The following MAGOHB variants were observed in gnomAD, a reference collection of about 807,000 sequenced individuals.
The protein encoded by MAGOHB is mago homolog B, exon junction complex subunit.
MAGOHB carries 15 observed loss-of-function variants against 20.9 expected under a neutral mutation model. That is an observed-to-expected ratio of 0.72 (90% CI 0.48 to 1.11). MAGOHB has a LOEUF of 1.11. MAGOHB is among the 50% of genes least tolerant of loss of function. The pLI, the probability that MAGOHB is intolerant of heterozygous loss-of-function variation, is 0.00. For synonymous variants in MAGOHB, 50 were observed against 57.9 expected, an observed-to-expected ratio of 0.86 and a Z score of 0.62; for missense variants, 162 against 177.6, an observed-to-expected ratio of 0.91 and a Z score of 0.50.
At chr12:10,612,865 C>A (rs1186507356) in intron 1 of MAGOHB, 74 of 1,288,974 alleles carry the variant, frequency 5.7e-5, no homozygotes, top group Non-Finnish European at 7.4e-5. Flanking sequence ...CTCTCAAAGG[C>A]CAAGTCTCTC....
chr12:10,603,888 T>C (rs1865580388), downstream of MAGOHB, among the ~76,000 whole-genome samples: 1 of 152,260 alleles, frequency 6.6e-6, no homozygotes, highest in Non-Finnish European at 1.5e-5. Flanking sequence ...GCACAGTCCA[T>C]GCTCATAGGT....
chr12:10,606,931 A>G (rs554668658), intron 4 of MAGOHB, among the ~76,000 whole-genome samples: 71 of 152,222 alleles, frequency 4.7e-4, no homozygotes, highest in Admixed American at 6.5e-4. Flanking sequence ...AGATGCTCAG[A>G]AATGAAATTA....
intron 1 of MAGOHB, 26 bp from the exon 2 acceptor site, chr12:10,610,706 T>G: frequency 6.4e-7 from 1 of 1,563,452 alleles, no homozygotes; most frequent in Non-Finnish European, 8.6e-7. Flanking sequence ...AAAAATCAAT[T>G]TATAATAGCA....
Position 10,613,402 on chromosome 12 carries a change from CCT to C in MAGOHB, c.94+35_94+36del, listed in dbSNP as rs370398032. On this transcript the variant is annotated intron_variant, in intron 1 of 4. Coordinates refer to ENST00000320756, the MANE Select transcript of MAGOHB (RefSeq NM_018048.5). ...CCACCCGGCCTCTCGGTCTCGCTCC[CCT>C]TTCCCAGCACCGCGTGCCGTGGGCC... 239 of 1,587,196 alleles carry C rather than the reference CCT, an allele frequency of 1.5e-4. 1 individual carries two copies. In the African/African-American group the frequency reaches 2.7e-3, roughly 18 times the overall value.
rs73257985 is a variant in MAGOHB, at chr12:10,608,043, C to A, written c.265-107G>T. Reference sequence around the variant, plus strand: ...ATTTTAGTTGCAAGTTTTCTAGCAGCCAACAGAGGGAGTGGGGGGCGAGGG... The same window carrying A: ...ATTTTAGTTGCAAGTTTTCTAGCAGACAACAGAGGGAGTGGGGGGCGAGGG... On this transcript the variant is annotated intron_variant, in intron 3 of 4. Transcript: ENST00000320756. 5.5e-3 allele frequency: 3,424 copies of A among 627,846 alleles called. 86 individuals are homozygous for A. Among genetic ancestry groups the A allele is most frequent in the African/African-American group, 0.053 (2,806 of 52,568 alleles). 38.9% of individuals were successfully genotyped at this position (627,846 alleles called of 1,614,324 possible). A position where few individuals can be genotyped will look rare whatever the true frequency, so the allele number is the denominator to read the frequency against.
chr12:10,612,272 G>T (rs1865761901), intron 1 of MAGOHB, among the ~76,000 whole-genome samples: 1 of 151,744 alleles, frequency 6.6e-6, no homozygotes, highest in Non-Finnish European at 1.5e-5. Context: ...GGTGGCGTGG[G>T]CCTGTATTCC....
intron 1 of MAGOHB, chr12:10,612,995 C>T: frequency 8.2e-7 from 1 of 1,219,124 alleles, no homozygotes; most frequent in Non-Finnish European, 1.1e-6. Context: ...TGAACAATTA[C>T]ACGTAAACAC....
chr12:10,609,536 G>T, intron 3 of MAGOHB: 1 of 415,406 alleles, frequency 2.4e-6, no homozygotes, highest in Non-Finnish European at 4.5e-6. Context: ...TAATAAAAGT[G>T]ATTAACACAC....
chr12:10,613,597 C>A lies in MAGOHB; in HGVS notation c.-65G>T. 9.4e-7 allele frequency: 1 copy of A among 1,062,172 alleles called. No homozygotes were observed. The highest frequency in any genetic ancestry group is 1.3e-5 in the South Asian group (1 of 79,872). 65.8% of individuals were successfully genotyped at this position (1,062,172 alleles called of 1,614,324 possible). The stretch of plus-strand genomic sequence containing the variant: ...GTCCCCCGGCGCCTTGCAGTGACGT[C>A]ATCGCGCGGAATAAGTGCGTCACCA... On this transcript the variant is annotated 5_prime_UTR_variant, in exon 1 of 5. It removes an upstream start codon present in the reference 5' UTR. Coordinates refer to ENST00000320756, the MANE Select transcript of MAGOHB (RefSeq NM_018048.5).
At chr12:10,611,747 CAAAAAAAAAAAAAA>C (rs1042294332) in intron 1 of MAGOHB, among the ~76,000 whole-genome samples, 2 of 27,686 alleles carry the variant, frequency 7.2e-5, no homozygotes, top group Non-Finnish European at 1.5e-4. Context: ...GACTCTGTCT[CAAAAAAAAAAAAAA>C]AAAAAAAAAA....
chr12:10,608,870 A>G (rs767923407), intron 3 of MAGOHB: 5 of 152,254 alleles, frequency 3.3e-5, no homozygotes, highest in African/African-American at 1.2e-4. Flanking sequence ...TTGATACAAA[A>G]GGCAATTTCT....
chr12:10,603,334 A>C (rs1377202832), downstream of MAGOHB, among the ~76,000 whole-genome samples: 1 of 151,222 alleles, frequency 6.6e-6, no homozygotes, highest in African/African-American at 2.4e-5. Context: ...AAAAAAAAAA[A>C]AATCTCTAGC....
downstream of MAGOHB, among the ~76,000 whole-genome samples, chr12:10,603,298 A>AG (rs1441106953): frequency 7.8e-6 from 1 of 127,706 alleles, no homozygotes; most frequent in Admixed American, 9.4e-5. Flanking sequence ...TGGGTGACAG[A>AG]GGGAGACTCC....
intron 1 of MAGOHB, 110 bp downstream of exon 1, chr12:10,613,328 CT>C: frequency 1.1e-6 from 1 of 911,424 alleles, no homozygotes; most frequent in Non-Finnish European, 1.8e-6. Flanking sequence ...TCTTAAGCTC[CT>C]ATTTCCTTCG....
chr12:10,609,756 A>T, intron 3 of MAGOHB, 75 bp downstream of exon 3: 1 of 945,964 alleles, frequency 1.1e-6, no homozygotes, highest in South Asian at 1.5e-5. Flanking sequence ...GACTCATTCC[A>T]AATAAATAAC....
intron 1 of MAGOHB, 109 bp from the exon 2 acceptor site, chr12:10,610,789 A>G (rs1271279094): frequency 2.0e-6 from 2 of 998,618 alleles, no homozygotes; most frequent in Admixed American, 7.0e-5. Context: ...ATTTTTATTA[A>G]TATTTCCTCC....
Position 10,612,750 on chromosome 12 carries a change from A to G in MAGOHB, c.94+689T>C, listed in dbSNP as rs192147148. 45 of 1,205,048 alleles carry G rather than the reference A, an allele frequency of 3.7e-5. 1 individual carries two copies. In the African/African-American group the frequency reaches 4.3e-4, roughly 11 times the overall value. 74.6% of individuals were successfully genotyped at this position (1,205,048 alleles called of 1,614,324 possible). A position where few individuals can be genotyped will look rare whatever the true frequency, so the allele number is the denominator to read the frequency against. On this transcript the variant is annotated intron_variant, in intron 1 of 4. Coordinates refer to ENST00000320756, the MANE Select transcript of MAGOHB (RefSeq NM_018048.5). ...GTTGCAGGTAGGCAAGATCAATGTA[A>G]CATTCTCTAAGGATAGCGCTGTCAG...
intron 4 of MAGOHB, among the ~76,000 whole-genome samples, chr12:10,606,656 A>G (rs1481384299): frequency 1.3e-5 from 2 of 152,098 alleles, no homozygotes; most frequent in East Asian, 3.8e-4. Context: ...AAAAAATAAT[A>G]CTGTAATGCT....
intron 1 of MAGOHB, among the ~76,000 whole-genome samples, chr12:10,611,747 CAA>C (rs1042294332): frequency 0.095 from 2,625 of 27,534 alleles, 85 homozygotes; most frequent in African/African-American, 0.27. Context: ...GACTCTGTCT[CAA>C]AAAAAAAAAA....
Sources: allele counts gnomAD v4.1 joint callset (sites outside exome capture counted in the v4.1 genomes callset), GRCh38; gene constraint gnomAD v4.1.1; transcripts MANE v1.5; gene names NCBI Gene and HGNC (gene_info 2026-07-23, HGNC 2026-07-21).